Variants in NCAPD2 observed in about 807,000 individuals in gnomAD.
NCAPD2 encodes the protein non-SMC condensin I complex subunit D2.
A neutral mutation model predicts 164.5 loss-of-function variants in NCAPD2; 100 were observed. The observed-to-expected ratio is 0.61, with a 90% confidence interval of 0.52 to 0.72. The LOEUF is 0.72. NCAPD2 is among the 30% of genes least tolerant of loss of function. NCAPD2 has a pLI of 0.00. For missense variants in NCAPD2, 1,560 were observed against 1,749.2 expected (o/e 0.89, Z 1.93); for synonymous variants, 585 against 642.6 (o/e 0.91, Z 1.36).
At chr12:6,514,985 G>A (rs1232897519) in intron 9 of NCAPD2, 65 bp downstream of exon 9, 1 of 1,553,650 alleles carries the variant, frequency 6.4e-7, no homozygotes. Context: ...TTGAAAGGCT[G>A]TTTCTTAACA....
intron 9 of NCAPD2, 27 bp downstream of exon 9, chr12:6,514,947 G>A (rs1946185098): frequency 6.2e-7 from 1 of 1,612,728 alleles, no homozygotes; most frequent in South Asian, 1.1e-5. Flanking sequence ...GGGTCACTGA[G>A]CTTTTTCTGG....
intron 9 of NCAPD2, 114 bp downstream of exon 9, chr12:6,515,034 C>A (rs531732138): frequency 1.2e-4 from 131 of 1,135,204 alleles, no homozygotes; most frequent in African/African-American, 8.8e-4. Context: ...CTAGATTTAT[C>A]ATTGTGACAT....
At position 6,531,917 on chromosome 12, in the gene NCAPD2, C is replaced by T. The variant is rs192059963; in HGVS notation, c.*505C>T. The T allele has an allele frequency of 5.8e-4, 101 of 173,726 alleles. No homozygotes were observed. In the South Asian group the frequency reaches 5.8e-3, roughly 10 times the overall value. 10.8% of individuals were successfully genotyped at this position (173,726 alleles called of 1,614,324 possible). A position where few individuals can be genotyped will look rare whatever the true frequency, so the allele number is the denominator to read the frequency against. ...CTTTGGAATATATGTTTGCCAATCT[C>T]CTTGTTTTCTAATGAATAAATGTTT... is the stretch of plus-strand genomic sequence containing the variant. On this transcript the variant is annotated 3_prime_UTR_variant, in exon 32 of 32. Coordinates refer to ENST00000315579, the MANE Select transcript of NCAPD2 (RefSeq NM_014865.4). This position sits in a 1 kb window ranked among gnomAD's most constrained non-coding sequence, Gnocchi z 4.1.
rs113552817 is a variant in NCAPD2 at position 6,521,264 on chromosome 12, C to T, written c.1714+154C>T. On this transcript the variant is annotated intron_variant, in intron 14 of 31. Coordinates refer to ENST00000315579, the MANE Select transcript of NCAPD2 (RefSeq NM_014865.4). ...TACTTTTGCTCTGGAATGGAAGCAG[C>T]CCACGGGCCTAAGATTGATAGTCAC... Among the ~76,000 whole-genome samples, 76 of 152,342 alleles carry T rather than the reference C, an allele frequency of 5.0e-4. 1 individual carries two copies. The highest frequency in any genetic ancestry group is 1.8e-3 in the African/African-American group (73 of 41,570).
At position 6,521,892 on chromosome 12, in the gene NCAPD2, G is replaced by A. The variant is rs138222487; in HGVS notation, c.1809G>A (p.Ser603=). ...QTVCKNKPNM[S]DPEESRGNDE... Reference sequence around the variant, plus strand: ...TCTGTAAAAATAAACCCAATATGTCGGATCCTGAGGAATCCAGGGGAAATG... The same window carrying A: ...TCTGTAAAAATAAACCCAATATGTCAGATCCTGAGGAATCCAGGGGAAATG... The change falls in exon 15 of 32, where the codon TCG becomes TCA. Residue 603 remains serine, a synonymous_variant. Coordinates refer to ENST00000315579, the MANE Select transcript of NCAPD2 (RefSeq NM_014865.4). 4.1e-5 allele frequency: 66 copies of A among 1,614,038 alleles called. 1 individual carries two copies. The African/African-American group carries it at 5.2e-4, about 13-fold the overall frequency.
chr12:6,501,823 A>G (rs575338345), intron 2 of NCAPD2, among the ~76,000 whole-genome samples: 38 of 152,316 alleles, frequency 2.5e-4, no homozygotes, highest in Admixed American at 4.6e-4. Context: ...AAGGAGCTAA[A>G]TGGACGCTAA....
chr12:6,518,941 A>G (rs1260159939), intron 13 of NCAPD2, among the ~76,000 whole-genome samples: 1 of 151,666 alleles, frequency 6.6e-6, no homozygotes, highest in African/African-American at 2.4e-5. Flanking sequence ...GCTGGAGTGC[A>G]GTGGTGCGAT....
At chr12:6,513,015 T>C (rs1233809483) in intron 6 of NCAPD2, among the ~76,000 whole-genome samples, 2 of 152,100 alleles carry the variant, frequency 1.3e-5, no homozygotes, top group African/African-American at 4.8e-5. Context: ...GGGAGGAAGA[T>C]CAGATGTTCT....
At position 6,494,126 on chromosome 12, in the gene NCAPD2, G is replaced by A. The variant is rs1470742225; in HGVS notation, c.-52G>A. ...TCCTTTTCATTTCAGCCTGACTGCCGGAATCAGAGCCGCGGGTGAGATCCC... is the reference window on the plus strand; with the variant it reads ...TCCTTTTCATTTCAGCCTGACTGCCAGAATCAGAGCCGCGGGTGAGATCCC... On this transcript the variant is annotated 5_prime_UTR_variant, in exon 1 of 32. Transcript: ENST00000315579. 1 of 152,346 alleles carries A rather than the reference G, an allele frequency of 6.6e-6. No homozygotes were observed. Among genetic ancestry groups the A allele is most frequent in the Non-Finnish European group, 1.5e-5 (1 of 68,096 alleles). The allele number at this position is 152,346 out of a possible 1,614,324, so 9.4% of individuals were successfully genotyped here.
Position 6,531,084 on chromosome 12 carries a change from G to A in NCAPD2, c.4120+8G>A, listed in dbSNP as rs1243703847. 1 of 1,612,518 alleles carries A rather than the reference G, an allele frequency of 6.2e-7. No homozygotes were observed. The highest frequency in any genetic ancestry group is 2.2e-5 in the East Asian group (1 of 44,872). ...ATGAGTCCAGTGAGGAAGGTATGAT[G>A]CTCCCGCCTGTTCCCGGCCGAGAAG... On this transcript the variant is annotated splice_region_variant and intron_variant, in intron 31 of 31. Transcript: ENST00000315579. The surrounding 1 kb of genome is among the most constrained non-coding windows in gnomAD (Gnocchi z 4.1).
intron 2 of NCAPD2, among the ~76,000 whole-genome samples, chr12:6,496,885 A>G (rs1273448234): frequency 2.6e-5 from 4 of 152,190 alleles, no homozygotes; most frequent in Non-Finnish European, 5.9e-5. Context: ...ACCTACACAC[A>G]TTAGCCTAGG....
rs370927177 is a variant in NCAPD2, at chr12:6,531,020, G to A, written c.4064G>A (p.Arg1355Gln). ...TTRRHPNTQQ[R>Q]ASKKKPKVVF... is the part of the protein sequence containing the mutation. ...CGTCGGCATCCAAACACCCAGCAGC[G>A]AGCTTCCAAAAAGAAACCCAAAGTT... The change falls in exon 31 of 32, where the codon CGA (arginine) becomes CAA (glutamine). Residue 1355 changes from arginine to glutamine, a missense_variant. Physicochemically the swap from Arg to Gln is conservative, Grantham distance 43. Transcript: ENST00000315579. This position sits in a 1 kb window ranked among gnomAD's most constrained non-coding sequence, Gnocchi z 4.1. The A allele has an allele frequency of 3.5e-5, 57 of 1,614,098 alleles. No homozygotes were observed. The highest frequency in any genetic ancestry group is 8.9e-5 in the East Asian group (4 of 44,884).
rs777601624 is a variant in NCAPD2, at chr12:6,513,127, G to C, written c.588-1138G>C. On this transcript the variant is annotated intron_variant, in intron 6 of 31. Transcript: ENST00000315579. The stretch of plus-strand genomic sequence containing the variant: ...GTTCAGGAGAGAGGTCTGAGCTAGA[G>C]ATAACACATTTGGGAATATAATAGT... Among the ~76,000 whole-genome samples, 14 of 152,312 alleles carry C rather than the reference G, an allele frequency of 9.2e-5. 1 individual carries two copies. Among genetic ancestry groups the C allele is most frequent in the Middle Eastern group, 6.8e-3 (2 of 294 alleles).
At position 6,531,160 on chromosome 12, in the gene NCAPD2, G is replaced by T. The variant is rs558243361; in HGVS notation, c.4120+84G>T. On this transcript the variant is annotated intron_variant, in intron 31 of 31. Coordinates refer to ENST00000315579, the MANE Select transcript of NCAPD2 (RefSeq NM_014865.4). The surrounding 1 kb of genome is among the most constrained non-coding windows in gnomAD (Gnocchi z 4.1). ...GGTTTCCATAGGACCTGCTGCGGGG[G>T]CCTGAGTGTAGATGCTCTGCCCCAC... is the stretch of plus-strand genomic sequence containing the variant. 4 of 1,568,940 alleles carry T rather than the reference G, an allele frequency of 2.5e-6. No individual in the cohort carries two copies. The highest frequency in any genetic ancestry group is 1.7e-5 in the Admixed American group (1 of 57,874).
intron 6 of NCAPD2, 42 bp from the exon 7 acceptor site, chr12:6,514,223 T>C (rs4764605): frequency 0.71 from 1,141,903 of 1,611,714 alleles, 406,626 homozygotes; most frequent in African/African-American, 0.79. Context: ...ACAATTGGAT[T>C]CAGACAGCTG....
Position 6,516,964 on chromosome 12 carries a change from A to T in NCAPD2, c.1124A>T (p.Asp375Val). The change falls in exon 10 of 32, where the codon GAT becomes GTT. Residue 375 changes from aspartate (D) to valine (V), a missense_variant. Asp to Val is a radical substitution (Grantham distance 152). Coordinates refer to ENST00000315579, the MANE Select transcript of NCAPD2 (RefSeq NM_014865.4). ...GATACTTTACAAGCCCATGGCCATG[A>T]TGTCAACTCCTTTGTGCGGAGCCGT... ...FLDTLQAHGH[D>V]VNSFVRSRVL... The T allele has an allele frequency of 6.2e-7, 1 of 1,614,164 alleles. No homozygotes were observed. Among genetic ancestry groups the T allele is most frequent in the Non-Finnish European group, 8.5e-7 (1 of 1,180,026 alleles).
chr12:6,517,692 T>C lies in NCAPD2; in HGVS notation c.1408+9T>C, dbSNP rs1237360596. ...GCGAACTGCAGCAGCTTGTAAGTAGTTACTGCCTTGGAGTCCTAATGCCAG... is the reference window on the plus strand; with the variant it reads ...GCGAACTGCAGCAGCTTGTAAGTAGCTACTGCCTTGGAGTCCTAATGCCAG... On this transcript the variant is annotated intron_variant, in intron 12 of 31. Transcript: ENST00000315579. 2 of 1,614,078 alleles carry C rather than the reference T, an allele frequency of 1.2e-6. No homozygotes were observed. Among genetic ancestry groups the C allele is most frequent in the Admixed American group, 1.7e-5 (1 of 59,994 alleles).
intron 4 of NCAPD2, chr12:6,510,424 T>C (rs898713247): frequency 2.5e-6 from 2 of 792,220 alleles, no homozygotes; most frequent in Admixed American, 3.4e-5. Flanking sequence ...GGAGAGAAAT[T>C]GTGGTAACTG....
chr12:6,527,693 C>T (rs1946329276), intron 22 of NCAPD2, 84 bp from the exon 23 acceptor site: 2 of 1,306,452 alleles, frequency 1.5e-6, no homozygotes, highest in Non-Finnish European at 2.1e-6. Context: ...CCCTTCCTCA[C>T]TTTGTTCATG....
Sources: allele counts gnomAD v4.1 joint callset (sites outside exome capture counted in the v4.1 genomes callset), GRCh38; gene constraint gnomAD v4.1.1; non-coding constraint Gnocchi (gnomAD v3.1); transcripts MANE v1.5; gene names NCBI Gene and HGNC (gene_info 2026-07-23, HGNC 2026-07-21).